The following SASH1 variants were observed in gnomAD, a reference collection of about 807,000 sequenced individuals.
SASH1 encodes SAM and SH3 domain-containing protein 1.
A neutral mutation model predicts 125.2 loss-of-function variants in SASH1; 44 were observed. The ratio of observed to expected loss-of-function variants is 0.35; its 90% CI spans 0.28 to 0.45. The LOEUF (loss-of-function observed/expected upper bound fraction) is 0.45. Ranked by LOEUF, SASH1 falls within the 20% of genes least tolerant of loss-of-function variation. The pLI is 1.00. For synonymous variants in SASH1, 639 were observed against 649.1 expected (o/e 0.98, Z 0.24); for missense variants, 1,426 against 1,614.5 (o/e 0.88, Z 2.00).
chr6:148,365,016 G>C (rs1214931998), intron 1 of SASH1, among the ~76,000 whole-genome samples: 1 of 151,948 alleles, frequency 6.6e-6, no homozygotes, highest in Non-Finnish European at 1.5e-5. Flanking sequence ...CCAGCTACTT[G>C]AGAGGCTGAG....
upstream of SASH1, among the ~76,000 whole-genome samples, chr6:148,267,307 G>A (rs566564661): frequency 1.2e-4 from 18 of 151,762 alleles, no homozygotes; most frequent in East Asian, 7.8e-4. Context: ...CCAAATGCCC[G>A]GGCCACACCA....
chr6:148,471,292 T>C (rs987864704), intron 5 of SASH1, 125 bp from the exon 6 acceptor site: 2 of 647,418 alleles, frequency 3.1e-6, no homozygotes, highest in Non-Finnish European at 5.3e-6. Context: ...AAAACTGTCC[T>C]TTTGTGAAAT....
intron 1 of SASH1, among the ~76,000 whole-genome samples, chr6:148,372,568 G>A (rs9386223): frequency 0.26 from 40,055 of 152,086 alleles, 5,528 homozygotes; most frequent in Non-Finnish European, 0.31. Flanking sequence ...GGACTGAAAA[G>A]TAGATATGCT....
intron 2 of SASH1, among the ~76,000 whole-genome samples, chr6:148,406,063 G>T (rs751090899): frequency 2.0e-5 from 3 of 152,136 alleles, no homozygotes; most frequent in Non-Finnish European, 2.9e-5. Context: ...TTTCAGAATG[G>T]GGCAGGGTAG....
At chr6:148,446,126 T>C (rs1776770646) in intron 4 of SASH1, among the ~76,000 whole-genome samples, 1 of 84,096 alleles carries the variant, frequency 1.2e-5, no homozygotes, top group South Asian at 4.5e-4. Context: ...TTTTTTTTTT[T>C]GAGACGGAGC....
intron 1 of SASH1, among the ~76,000 whole-genome samples, chr6:148,387,752 T>C (rs1410244078): frequency 6.7e-6 from 1 of 149,902 alleles, no homozygotes; most frequent in Non-Finnish European, 1.5e-5. Flanking sequence ...CTTTCTTTCT[T>C]TGACGGAGTT....
the SASH1 span, chr6:148,237,524 C>A: frequency 6.6e-6 from 1 of 152,142 alleles, no homozygotes; most frequent in Non-Finnish European, 1.5e-5. Flanking sequence ...TCCTCTACAG[C>A]AGAATTGAAT....
intron 2 of SASH1, among the ~76,000 whole-genome samples, chr6:148,433,072 T>G (rs1307176631): frequency 1.3e-5 from 2 of 152,244 alleles, no homozygotes; most frequent in African/African-American, 4.8e-5. Context: ...GGTTTTGCTT[T>G]TGTTGTTGGA....
chr6:148,548,135 T>C (rs956624629), intron 19 of SASH1, among the ~76,000 whole-genome samples, 160 bp from the exon 20 acceptor site: 122 of 152,298 alleles, frequency 8.0e-4, no homozygotes, highest in African/African-American at 2.8e-3. Flanking sequence ...TAGAGAAGAA[T>C]TTTTCCTGCT....
chr6:148,342,888 G>C lies in SASH1; in HGVS notation c.-180G>C, dbSNP rs1186331040. ...GCGCAGCCCGTGGCCACCTAGACCC[G>C]AGGTGCGGGCGCCTGCGAAGGGCCC... is the stretch of plus-strand genomic sequence containing the variant. On this transcript the variant is annotated 5_prime_UTR_variant, in exon 1 of 20. Coordinates refer to ENST00000367467, the MANE Select transcript of SASH1 (RefSeq NM_015278.5). The C allele has an allele frequency of 6.1e-6, 2 of 328,156 alleles. No individual in the cohort carries two copies. The highest frequency in any genetic ancestry group is 2.2e-5 in the African/African-American group (1 of 44,802). The allele number at this position is 328,156 out of a possible 1,614,324, so 20.3% of individuals were successfully genotyped here. A position where few individuals can be genotyped will look rare whatever the true frequency, so the allele number is the denominator to read the frequency against.
At chr6:148,439,016 TC>T (rs1262421778) in intron 2 of SASH1, among the ~76,000 whole-genome samples, 1 of 152,228 alleles carries the variant, frequency 6.6e-6, no homozygotes, top group Non-Finnish European at 1.5e-5. Context: ...CAAAAGGTTT[TC>T]GGTATTGGTG....
chr6:148,319,017 ATCT>A (rs1780562256), intron 1 of SASH1, among the ~76,000 whole-genome samples: 1 of 82,410 alleles, frequency 1.2e-5, no homozygotes, highest in Non-Finnish European at 2.6e-5. Context: ...AGCCGCATTT[ATCT>A]TCTTTTTTTT....
At position 148,464,475 on chromosome 6, in the gene SASH1, T is replaced by A. The variant is rs558509370; in HGVS notation, c.387-4070T>A. Among the ~76,000 whole-genome samples, 89 of 152,282 alleles carry A rather than the reference T, an allele frequency of 5.8e-4. 1 individual carries two copies. The Middle Eastern group carries it at 0.01, about 17-fold the overall frequency. On this transcript the variant is annotated intron_variant, in intron 4 of 19. Coordinates refer to ENST00000367467, the MANE Select transcript of SASH1 (RefSeq NM_015278.5). ...GCAGATCCAGCTCCAGCGCCCACCATCCTCAGGCCTGGGGCTTCTGGCTGG... is the reference window on the plus strand; with the variant it reads ...GCAGATCCAGCTCCAGCGCCCACCAACCTCAGGCCTGGGGCTTCTGGCTGG...
At chr6:148,453,372 G>A (rs1029139353) in intron 4 of SASH1, among the ~76,000 whole-genome samples, 1 of 152,198 alleles carries the variant, frequency 6.6e-6, no homozygotes, top group Non-Finnish European at 1.5e-5. Context: ...CTTGCAGGAA[G>A]ATGTGGAGAC....
At chr6:148,435,304 G>A (rs1277224249) in intron 2 of SASH1, among the ~76,000 whole-genome samples, 2 of 151,426 alleles carry the variant, frequency 1.3e-5, no homozygotes, top group Admixed American at 1.3e-4. Flanking sequence ...CTTGAACCTG[G>A]GAGGTGGAGG....
intron 1 of SASH1, among the ~76,000 whole-genome samples, chr6:148,364,695 G>T (rs1180037537): frequency 6.6e-6 from 1 of 152,148 alleles, no homozygotes; most frequent in African/African-American, 2.4e-5. Flanking sequence ...ACGGGAAATG[G>T]GAAGAACACA....
At chr6:148,328,670 A>G (rs925014208) in intron 1 of SASH1, among the ~76,000 whole-genome samples, 6 of 152,066 alleles carry the variant, frequency 3.9e-5, no homozygotes, top group African/African-American at 1.4e-4. Context: ...ATTTCTCAGC[A>G]CAGAAGTAAA....
upstream of SASH1, among the ~76,000 whole-genome samples, chr6:148,270,904 C>CT (rs780443533): frequency 0.075 from 9,543 of 127,566 alleles, 521 homozygotes; most frequent in Non-Finnish European, 0.1. Flanking sequence ...TCATCCACAA[C>CT]TTTTTTTTTT....
the SASH1 span, among the ~76,000 whole-genome samples, chr6:148,211,346 G>A: frequency 1.3e-5 from 2 of 152,130 alleles, no homozygotes; most frequent in Non-Finnish European, 2.9e-5. Context: ...CAAGGCGAGG[G>A]GATCACCTGA....
Sources: gnomAD v4.1 joint callset for allele counts (sites outside exome capture counted in the v4.1 genomes callset) on GRCh38, gnomAD v4.1.1 for gene constraint, MANE v1.5 for transcripts, NCBI Gene and HGNC (gene_info 2026-07-23, HGNC 2026-07-21) for gene names.